SIPA1L3: variants seen among roughly 807,000 people sequenced by gnomAD.
The protein encoded by SIPA1L3 is signal-induced proliferation-associated 1-like protein 3.
A neutral mutation model predicts 150.1 loss-of-function variants in SIPA1L3; 59 were observed. That is an observed-to-expected ratio of 0.39 (90% CI 0.32 to 0.49). SIPA1L3 has a LOEUF of 0.49. Ranked by LOEUF, SIPA1L3 falls within the 20% of genes least tolerant of loss-of-function variation. The pLI is 0.86. For synonymous variants in SIPA1L3, 1,070 were observed against 1,077.6 expected, an observed-to-expected ratio of 0.99 and a Z score of 0.14; for missense variants, 2,211 against 2,489.5, an observed-to-expected ratio of 0.89 and a Z score of 2.38.
intron 2 of SIPA1L3, among the ~76,000 whole-genome samples, chr19:38,049,770 C>T (rs1969147551): frequency 1.3e-5 from 2 of 152,088 alleles, no homozygotes; most frequent in African/African-American, 2.4e-5. Flanking sequence ...CTCTGACCCG[C>T]GTTCCCCCGA....
At chr19:37,977,938 T>C (rs1967112600) in intron 1 of SIPA1L3, among the ~76,000 whole-genome samples, 1 of 152,196 alleles carries the variant, frequency 6.6e-6, no homozygotes, top group African/African-American at 2.4e-5. Flanking sequence ...CACAGGGAAG[T>C]GCAAGAGTTT....
In SIPA1L3 at chr19:38,114,624, G is replaced by A. The variant is rs567950988; in HGVS notation, c.2291+4240G>A. Among the ~76,000 whole-genome samples the A allele has an allele frequency of 7.9e-5, 12 of 152,290 alleles. No homozygotes were observed. In the South Asian group the frequency reaches 1.7e-3, roughly 21 times the overall value. Reference sequence around the variant, plus strand: ...GTGTGGCATTCTTTGAAGCATGTCCGCTCTGGAAAATGCCTTTTTCTGTTA... The same window carrying A: ...GTGTGGCATTCTTTGAAGCATGTCCACTCTGGAAAATGCCTTTTTCTGTTA... On this transcript the variant is annotated intron_variant, in intron 8 of 21. Transcript: ENST00000222345.
intron 1 of SIPA1L3, among the ~76,000 whole-genome samples, chr19:37,969,322 C>T (rs1315579156): frequency 2.6e-5 from 4 of 152,124 alleles, no homozygotes; most frequent in Admixed American, 6.6e-5. Context: ...GAGGCCAAGG[C>T]GGGCGGATCA....
At chr19:38,058,075 C>T (rs1221038954) in intron 2 of SIPA1L3, among the ~76,000 whole-genome samples, 1 of 152,178 alleles carries the variant, frequency 6.6e-6, no homozygotes, top group African/African-American at 2.4e-5. Flanking sequence ...TCCTGGTGTG[C>T]TGGGCTCATC....
intron 1 of SIPA1L3, among the ~76,000 whole-genome samples, chr19:37,959,517 ATGC>A (rs1032502411): frequency 2.6e-5 from 4 of 152,234 alleles, no homozygotes; most frequent in South Asian, 2.1e-4. Context: ...AGGGCTGGGG[ATGC>A]TGTGAACAGG....
rs1197140566 is a variant in SIPA1L3 at position 38,187,282 on chromosome 19, T to C, written c.4430+4542T>C. On this transcript the variant is annotated intron_variant, in intron 16 of 21. Coordinates refer to ENST00000222345, the MANE Select transcript of SIPA1L3 (RefSeq NM_015073.3). ...GCCTGGCCAACATGGTGAAACCCCA[T>C]CTCTACTAAAAATACAAAAATTAGC... Among the ~76,000 whole-genome samples, 3 of 151,618 alleles carry C rather than the reference T, an allele frequency of 2.0e-5. No homozygotes were observed. In the East Asian group the frequency reaches 5.9e-4, roughly 30 times the overall value.
At chr19:38,092,508 G>T (rs571912506) in intron 4 of SIPA1L3, among the ~76,000 whole-genome samples, 3 of 152,286 alleles carry the variant, frequency 2.0e-5, no homozygotes, top group South Asian at 4.1e-4. Flanking sequence ...TTCCCAGTGT[G>T]TACCTGCTCC....
chr19:38,082,139 CA>C lies in SIPA1L3; in HGVS notation c.575del (p.His192ProfsTer31). 2 of 1,605,910 alleles carry C rather than the reference CA, an allele frequency of 1.2e-6. No individual in the cohort carries two copies. Among genetic ancestry groups the C allele is most frequent in the South Asian group, 2.2e-5 (2 of 91,014 alleles). On this transcript the variant is annotated frameshift_variant, in exon 3 of 22. Transcript: ENST00000222345. LOFTEE classifies it high-confidence loss of function. Reference protein sequence around the residue: ...EDAGEPRGARHTGALPLFREY... With the variant: ...EDAGEPRGARXTGALPLFREY... Reference sequence around the variant, plus strand: ...CGCGGGGGAGCCGCGGGGGGCCCGGCACACGGGGGCGCTGCCCCTCTTCCGC... The same window carrying C: ...CGCGGGGGAGCCGCGGGGGGCCCGGCCACGGGGGCGCTGCCCCTCTTCCGC...
chr19:37,985,990 A>T (rs1398549077), intron 1 of SIPA1L3, among the ~76,000 whole-genome samples: 2 of 152,218 alleles, frequency 1.3e-5, no homozygotes, highest in East Asian at 1.9e-4. Flanking sequence ...TTTGTGCCTG[A>T]AGCCCACTTT....
chr19:38,074,394 G>A (rs1274848582), intron 2 of SIPA1L3, among the ~76,000 whole-genome samples: 1 of 152,212 alleles, frequency 6.6e-6, no homozygotes, highest in African/African-American at 2.4e-5. Context: ...TCGCATCTGG[G>A]CCACTGGTTT....
At chr19:37,911,609 C>T (rs901444657) in intron 1 of SIPA1L3, among the ~76,000 whole-genome samples, 7 of 151,404 alleles carry the variant, frequency 4.6e-5, no homozygotes, top group South Asian at 2.1e-4. Flanking sequence ...CCTGGGTTCA[C>T]GCCGTTCTCC....
At chr19:38,169,464 G>A (rs772502387) in intron 15 of SIPA1L3, among the ~76,000 whole-genome samples, 8 of 150,256 alleles carry the variant, frequency 5.3e-5, no homozygotes, top group African/African-American at 1.9e-4. Context: ...CTCCCTCAGC[G>A]ACTTCTTGGC....
intron 1 of SIPA1L3, among the ~76,000 whole-genome samples, chr19:38,019,074 T>G (rs888935107): frequency 6.6e-6 from 1 of 152,172 alleles, no homozygotes; most frequent in African/African-American, 2.4e-5. Context: ...CTAGAAGGAT[T>G]TCTTTGGTGT....
rs112218172 is a variant in SIPA1L3, at chr19:38,008,509, G to A, written c.-378-20580G>A. ...CTCCCAAAGTGCTGGGATTGCAGAC[G>A]TGAGCCACCGCTCCTGGCTAGGCTA... On this transcript the variant is annotated intron_variant, in intron 1 of 21. Transcript: ENST00000222345. Among the ~76,000 whole-genome samples, 576 of 152,004 alleles carry A rather than the reference G, an allele frequency of 3.8e-3. 2 individuals are homozygous for A. Among genetic ancestry groups the A allele is most frequent in the African/African-American group, 0.013 (543 of 41,464 alleles).
chr19:37,914,290 G>A (rs1009952043), intron 1 of SIPA1L3, among the ~76,000 whole-genome samples: 2 of 152,158 alleles, frequency 1.3e-5, no homozygotes, highest in Admixed American at 6.6e-5. Context: ...GTTAAGGCCC[G>A]GAGGTGGGAG....
intron 1 of SIPA1L3, among the ~76,000 whole-genome samples, chr19:37,989,577 A>C (rs1210782428): frequency 6.6e-6 from 1 of 151,712 alleles, no homozygotes; most frequent in African/African-American, 2.4e-5. Flanking sequence ...GAAGACATGG[A>C]GGTTCTGATT....
intron 2 of SIPA1L3, among the ~76,000 whole-genome samples, chr19:38,064,731 A>G (rs775576130): frequency 6.6e-6 from 1 of 152,186 alleles, no homozygotes; most frequent in African/African-American, 2.4e-5. Context: ...ATAATAGCCA[A>G]TTCTCGTTTA....
chr19:37,907,777 A>C (rs1677595240), intron 1 of SIPA1L3: 1 of 152,266 alleles, frequency 6.6e-6, no homozygotes, highest in Non-Finnish European at 1.5e-5. Flanking sequence ...AGCTCTCCGA[A>C]AAATGAGGTG....
chr19:37,952,578 C>T (rs768579593), intron 1 of SIPA1L3, among the ~76,000 whole-genome samples: 1 of 152,088 alleles, frequency 6.6e-6, no homozygotes, highest in Non-Finnish European at 1.5e-5. Flanking sequence ...GGGGCTGAGG[C>T]AGGAGAATTC....
Sources: gnomAD v4.1 joint callset for allele counts (sites outside exome capture counted in the v4.1 genomes callset) on GRCh38, gnomAD v4.1.1 for gene constraint, MANE v1.5 for transcripts, NCBI Gene and HGNC (gene_info 2026-07-23, HGNC 2026-07-21) for gene names.